The following QTMAN variants were observed in gnomAD, a reference collection of about 807,000 sequenced individuals.
QTMAN encodes the protein queuosine-tRNA mannosyltransferase, also known as tRNA-queuosine alpha-mannosyltransferase.
At chr2:144,037,848 G>A in the QTMAN span, among the ~76,000 whole-genome samples, 1 of 152,112 alleles carries the variant, frequency 6.6e-6, no homozygotes, top group African/African-American at 2.4e-5. Context: ...TCAATAGTAC[G>A]ATCTCATTAA....
At chr2:144,271,653 A>G in the QTMAN span, among the ~76,000 whole-genome samples, 1 of 152,180 alleles carries the variant, frequency 6.6e-6, no homozygotes, top group Non-Finnish European at 1.5e-5. Context: ...AAGAAGTTTA[A>G]AAAACATTTC....
chr2:144,240,634 T>C, the QTMAN span, among the ~76,000 whole-genome samples: 1 of 152,252 alleles, frequency 6.6e-6, no homozygotes, highest in Admixed American at 6.5e-5. Context: ...TGCTAAATAC[T>C]GGCTTTTGCC....
At chr2:144,176,781 T>C in the QTMAN span, among the ~76,000 whole-genome samples, 1 of 152,150 alleles carries the variant, frequency 6.6e-6, no homozygotes, top group Non-Finnish European at 1.5e-5. Context: ...AAAGATGACT[T>C]GACTAAATGG....
At chr2:144,131,148 T>G in the QTMAN span, among the ~76,000 whole-genome samples, 1 of 151,886 alleles carries the variant, frequency 6.6e-6, no homozygotes, top group Non-Finnish European at 1.5e-5. Flanking sequence ...TGCAGGTCAA[T>G]ATAACAAATC....
the QTMAN span, among the ~76,000 whole-genome samples, chr2:144,036,641 T>C: frequency 2.0e-5 from 3 of 152,220 alleles, no homozygotes; most frequent in East Asian, 1.9e-4. Flanking sequence ...TGGTACCATA[T>C]ACATAACCCA....
At chr2:144,095,255 A>G in the QTMAN span, among the ~76,000 whole-genome samples, 5 of 152,184 alleles carry the variant, frequency 3.3e-5, no homozygotes, top group African/African-American at 1.2e-4. Flanking sequence ...ATTACATTAG[A>G]AATTCTTAAA....
At chr2:144,216,108 T>C in the QTMAN span, among the ~76,000 whole-genome samples, 3 of 152,170 alleles carry the variant, frequency 2.0e-5, no homozygotes, top group African/African-American at 4.8e-5. Context: ...AGAGCTGTTT[T>C]AGACTCTTAT....
At chr2:144,241,658 T>C in the QTMAN span, among the ~76,000 whole-genome samples, 6 of 152,320 alleles carry the variant, frequency 3.9e-5, no homozygotes, top group African/African-American at 1.4e-4. Flanking sequence ...CTTCTTTCCT[T>C]TCTTTTCTTC....
the QTMAN span, among the ~76,000 whole-genome samples, chr2:144,327,187 C>T: frequency 1.3e-5 from 2 of 152,138 alleles, no homozygotes; most frequent in African/African-American, 4.8e-5. Context: ...ATGGAGGTTC[C>T]TGGAGAGAGA....
chr2:144,212,834 A>G, the QTMAN span, among the ~76,000 whole-genome samples: 3 of 152,212 alleles, frequency 2.0e-5, no homozygotes, highest in African/African-American at 7.2e-5. Context: ...AGTTTAATTC[A>G]TTATCAATAC....
the QTMAN span, among the ~76,000 whole-genome samples, chr2:144,224,576 G>A: frequency 6.6e-6 from 1 of 152,144 alleles, no homozygotes; most frequent in Admixed American, 6.5e-5. Flanking sequence ...GCTGGTGTGA[G>A]GAGGTTATTT....
the QTMAN span, among the ~76,000 whole-genome samples, chr2:144,125,493 T>C: frequency 6.6e-6 from 1 of 152,048 alleles, no homozygotes; most frequent in Non-Finnish European, 1.5e-5. Context: ...CTTCGTACCC[T>C]AACCTGCTGT....
At chr2:143,984,223 G>A in the QTMAN span, among the ~76,000 whole-genome samples, 3 of 152,088 alleles carry the variant, frequency 2.0e-5, no homozygotes, top group East Asian at 1.9e-4. Context: ...GACTTACCTC[G>A]AAGCAACAAA....
chr2:144,246,235 A>C, the QTMAN span, among the ~76,000 whole-genome samples: 1 of 152,204 alleles, frequency 6.6e-6, no homozygotes, highest in Non-Finnish European at 1.5e-5. Flanking sequence ...AAGCCAAAGA[A>C]AGTTTCACAT....
the QTMAN span, among the ~76,000 whole-genome samples, chr2:144,254,249 C>T: frequency 4.6e-5 from 7 of 152,122 alleles, no homozygotes; most frequent in Admixed American, 2.0e-4. Flanking sequence ...TGGTGAAACC[C>T]CATCTCTACT....
chr2:144,099,064 T>C, the QTMAN span, among the ~76,000 whole-genome samples: 1 of 152,184 alleles, frequency 6.6e-6, no homozygotes, highest in Non-Finnish European at 1.5e-5. Flanking sequence ...ATCAAATGGC[T>C]GAATATACAT....
At chr2:144,319,788 T>C in the QTMAN span, 2 of 152,146 alleles carry the variant, frequency 1.3e-5, no homozygotes, top group Non-Finnish European at 2.9e-5. Flanking sequence ...AAGTATCCAG[T>C]TTGTCTCATA....
chr2:144,209,492 A>C, the QTMAN span, among the ~76,000 whole-genome samples: 1 of 152,222 alleles, frequency 6.6e-6, no homozygotes, highest in African/African-American at 2.4e-5. Flanking sequence ...ACACCAAAAC[A>C]ATGTGGTAAA....
chr2:144,040,230 T>A, the QTMAN span, among the ~76,000 whole-genome samples: 1 of 152,194 alleles, frequency 6.6e-6, no homozygotes, highest in Non-Finnish European at 1.5e-5. Flanking sequence ...TACATGAATA[T>A]GAGCGTGAGA....
Sources: gnomAD v4.1 joint callset for allele counts (sites outside exome capture counted in the v4.1 genomes callset) on GRCh38, gnomAD v4.1.1 for gene constraint, MANE v1.5 for transcripts, NCBI Gene and HGNC (gene_info 2026-07-23, HGNC 2026-07-21) for gene names.